Variants in SBF2 observed in about 807,000 individuals in gnomAD.
The protein encoded by SBF2 is myotubularin-related protein 13.
A neutral mutation model predicts 225.2 loss-of-function variants in SBF2; 112 were observed. The ratio of observed to expected loss-of-function variants is 0.50; its 90% CI spans 0.43 to 0.58. The LOEUF (loss-of-function observed/expected upper bound fraction) is 0.58. SBF2 is among the 20% of genes least tolerant of loss of function. The pLI is 0.00. For synonymous variants in SBF2, 763 were observed against 773.3 expected (o/e 0.99, Z 0.22); for missense variants, 1,996 against 2,206.2 (o/e 0.90, Z 1.91).
At chr11:10,162,842 A>C (rs1217010831) in intron 2 of SBF2, among the ~76,000 whole-genome samples, 1 of 152,172 alleles carries the variant, frequency 6.6e-6, no homozygotes, top group Non-Finnish European at 1.5e-5. Flanking sequence ...AACTAGGAAC[A>C]GTTCTGTTTA....
At chr11:10,137,941 A>G (rs1042472184) in intron 2 of SBF2, among the ~76,000 whole-genome samples, 1 of 152,152 alleles carries the variant, frequency 6.6e-6, no homozygotes, top group Admixed American at 6.6e-5. Flanking sequence ...CAGAGGTTGC[A>G]GTGAGCCGAG....
At chr11:10,135,980 C>G (rs972847125) in intron 2 of SBF2, among the ~76,000 whole-genome samples, 4 of 151,996 alleles carry the variant, frequency 2.6e-5, no homozygotes, top group African/African-American at 9.7e-5. Flanking sequence ...AAAGACATAC[C>G]TGATACTGGG....
intron 2 of SBF2, among the ~76,000 whole-genome samples, chr11:10,137,963 G>T (rs1296622194): frequency 6.6e-6 from 1 of 152,024 alleles, no homozygotes; most frequent in Non-Finnish European, 1.5e-5. Flanking sequence ...TTGTGCCATT[G>T]CACTCCAGCC....
chr11:10,084,094 G>A (rs1951464025), intron 2 of SBF2, among the ~76,000 whole-genome samples: 1 of 152,140 alleles, frequency 6.6e-6, no homozygotes, highest in Non-Finnish European at 1.5e-5. Context: ...TGTTTGCAAA[G>A]TATCTATCCA....
intron 26 of SBF2, among the ~76,000 whole-genome samples, chr11:9,833,466 G>C (rs915089032): frequency 6.7e-6 from 1 of 149,224 alleles, no homozygotes; most frequent in Admixed American, 6.7e-5. Context: ...TGTCGCCCAG[G>C]CTGGAGTGCA....
chr11:9,973,335 C>T (rs1056831720), intron 13 of SBF2, among the ~76,000 whole-genome samples: 1 of 152,128 alleles, frequency 6.6e-6, no homozygotes, highest in African/African-American at 2.4e-5. Context: ...TAAGGAAATC[C>T]GTTATTTTCC....
chr11:9,978,401 C>T (rs7123546), intron 13 of SBF2, among the ~76,000 whole-genome samples: 22,210 of 151,946 alleles, frequency 0.15, 1,749 homozygotes, highest in African/African-American at 0.18. Context: ...AGGAGAATTA[C>T]GTACCTAGAA....
chr11:10,066,580 T>C (rs1266407444), intron 2 of SBF2, among the ~76,000 whole-genome samples: 2 of 152,154 alleles, frequency 1.3e-5, no homozygotes, highest in African/African-American at 2.4e-5. Flanking sequence ...AACACTTCTG[T>C]TAAAAACTCT....
At position 9,859,150 on chromosome 11, in the gene SBF2, A is replaced by T. The variant is rs1431152660; in HGVS notation, c.1930-754T>A. 2.6e-5 allele frequency among the ~76,000 whole-genome samples: 4 copies of T among 152,226 alleles called. No homozygotes were observed. In the East Asian group the frequency reaches 7.7e-4, roughly 29 times the overall value. ...TGCAGGCATTTAGAAGGCACTTCAT[A>T]TATATTTAAGTTTGTTTAGTTCCAA... On this transcript the variant is annotated intron_variant, in intron 17 of 39. Transcript: ENST00000256190.
chr11:10,246,587 T>C (rs994750709), intron 1 of SBF2, among the ~76,000 whole-genome samples: 2 of 152,210 alleles, frequency 1.3e-5, no homozygotes, highest in Non-Finnish European at 2.9e-5. Flanking sequence ...CCAGTTGATA[T>C]GCACAGGTTT....
intron 17 of SBF2, among the ~76,000 whole-genome samples, chr11:9,879,959 C>T (rs992352940): frequency 6.6e-6 from 1 of 151,822 alleles, no homozygotes; most frequent in Non-Finnish European, 1.5e-5. Flanking sequence ...TGGTGCACAC[C>T]GGTATTCCCA....
rs570831470 is a variant in SBF2 at position 9,921,464 on chromosome 11, G to A, written c.1861-25453C>T. On this transcript the variant is annotated intron_variant, in intron 16 of 39. Coordinates refer to ENST00000256190, the MANE Select transcript of SBF2 (RefSeq NM_030962.4). The stretch of plus-strand genomic sequence containing the variant: ...GCCACAGCGACCTGTGTTTTAACAT[G>A]CTGTCTAGTTATTCTAATGCTCGCT... 4.6e-5 allele frequency among the ~76,000 whole-genome samples: 7 copies of A among 152,282 alleles called. No individual in the cohort carries two copies. In the East Asian group the frequency reaches 1.4e-3, roughly 29 times the overall value.
chr11:9,812,908 G>T (rs1854270570), intron 29 of SBF2, among the ~76,000 whole-genome samples, 200 bp from the exon 30 acceptor site: 1 of 152,210 alleles, frequency 6.6e-6, no homozygotes, highest in South Asian at 2.1e-4. Context: ...CTAGTGGTTT[G>T]CCCAGAATGG....
chr11:10,102,429 G>A (rs1952348102), intron 2 of SBF2, among the ~76,000 whole-genome samples: 1 of 152,322 alleles, frequency 6.6e-6, no homozygotes, highest in African/African-American at 2.4e-5. Flanking sequence ...GACTACTGGA[G>A]AAACAGCTTG....
At chr11:9,835,551 G>A (rs1341533487) in intron 26 of SBF2, among the ~76,000 whole-genome samples, 1 of 149,034 alleles carries the variant, frequency 6.7e-6, no homozygotes, top group African/African-American at 2.5e-5. Context: ...AGGATCGCCT[G>A]AGCCAGGGAG....
intron 13 of SBF2, among the ~76,000 whole-genome samples, chr11:9,989,088 G>A (rs67446631): frequency 0.058 from 8,494 of 146,850 alleles, 328 homozygotes; most frequent in Middle Eastern, 0.15. Context: ...ACACACACAC[G>A]TACACGATGG....
Position 10,116,531 on chromosome 11 carries a change from C to T in SBF2, c.142-73550G>A, listed in dbSNP as rs151155367. Among the ~76,000 whole-genome samples, 290 of 152,284 alleles carry T rather than the reference C, an allele frequency of 1.9e-3. 1 individual carries two copies. Among genetic ancestry groups the T allele is most frequent in the Non-Finnish European group, 3.4e-3 (232 of 68,020 alleles). On this transcript the variant is annotated intron_variant, in intron 2 of 39. Coordinates refer to ENST00000256190, the MANE Select transcript of SBF2 (RefSeq NM_030962.4). The stretch of plus-strand genomic sequence containing the variant: ...TATTTTTCTAAAACATTGCTTTTGT[C>T]ATATTATTTCCCTGTTCAAGAATCT...
At chr11:10,239,754 G>A (rs1014398180) in intron 1 of SBF2, among the ~76,000 whole-genome samples, 16 of 136,326 alleles carry the variant, frequency 1.2e-4, no homozygotes. Context: ...AACGCAAAAT[G>A]CACTATATAA....
intron 2 of SBF2, among the ~76,000 whole-genome samples, chr11:10,076,509 C>A (rs1163101837): frequency 3.3e-5 from 5 of 152,202 alleles, no homozygotes; most frequent in Non-Finnish European, 5.9e-5. Context: ...TACCCGTTTG[C>A]AGCATGGGAC....
Sources: gnomAD v4.1 joint callset for allele counts (sites outside exome capture counted in the v4.1 genomes callset) on GRCh38, gnomAD v4.1.1 for gene constraint, MANE v1.5 for transcripts, NCBI Gene and HGNC (gene_info 2026-07-23, HGNC 2026-07-21) for gene names.